CNTNAP5: variants seen among roughly 807,000 people sequenced by gnomAD.
The protein encoded by CNTNAP5 is contactin associated protein family member 5, also known as contactin-associated protein-like 5.
Under a neutral mutation model 150.2 loss-of-function variants are expected in CNTNAP5, and 72 were observed. The observed-to-expected ratio is 0.48, with a 90% CI of 0.40 to 0.58. The LOEUF is 0.58. Among genes scored for constraint, CNTNAP5 ranks in the 20% least tolerant of loss-of-function variants. The probability of loss-of-function intolerance (pLI) is 0.00; values close to 1 mark genes in which losing one functional copy is unlikely to be tolerated. For synonymous variants in CNTNAP5, 672 were observed against 619.8 expected, an observed-to-expected ratio of 1.08 and a Z score of -1.25; for missense variants, 1,636 against 1,626.2, an observed-to-expected ratio of 1.01 and a Z score of -0.10.
At chr2:124,156,545 G>C (rs554634285) in intron 1 of CNTNAP5, among the ~76,000 whole-genome samples, 1 of 152,150 alleles carries the variant, frequency 6.6e-6, no homozygotes, top group African/African-American at 2.4e-5. Context: ...GCCCAGGCTG[G>C]ATTGCAATGC....
intron 11 of CNTNAP5, among the ~76,000 whole-genome samples, chr2:124,565,702 C>T (rs1370788611): frequency 2.7e-5 from 4 of 149,612 alleles, no homozygotes; most frequent in Admixed American, 6.7e-5. Context: ...CAGGTTCACG[C>T]CATTCTCCTG....
intron 11 of CNTNAP5, among the ~76,000 whole-genome samples, chr2:124,569,514 T>A (rs1325651800): frequency 1.3e-5 from 2 of 152,238 alleles, no homozygotes; most frequent in Non-Finnish European, 2.9e-5. Flanking sequence ...TACATCTGAT[T>A]CATTAAACTG....
chr2:124,627,264 G>C (rs113493434), intron 12 of CNTNAP5, among the ~76,000 whole-genome samples: 1,567 of 152,262 alleles, frequency 0.01, 27 homozygotes, highest in African/African-American at 0.036. Flanking sequence ...CCCTGACCCT[G>C]TGCCTCCTGA....
chr2:124,457,073 A>G (rs1443657377), intron 6 of CNTNAP5, among the ~76,000 whole-genome samples: 1 of 152,240 alleles, frequency 6.6e-6, no homozygotes, highest in African/African-American at 2.4e-5. Flanking sequence ...CTGGAACTTA[A>G]TTAAACTAAA....
At chr2:124,592,132 C>T (rs868417086) in intron 11 of CNTNAP5, among the ~76,000 whole-genome samples, 6 of 152,044 alleles carry the variant, frequency 3.9e-5, no homozygotes, top group Middle Eastern at 6.8e-3. Flanking sequence ...TGATGAACAC[C>T]GAGGATGATT....
At chr2:124,187,412 A>T (rs555500184) in intron 1 of CNTNAP5, among the ~76,000 whole-genome samples, 12 of 152,338 alleles carry the variant, frequency 7.9e-5, no homozygotes, top group Non-Finnish European at 1.6e-4. Flanking sequence ...AGCATAAATC[A>T]GTGCTTTCCT....
intron 1 of CNTNAP5, among the ~76,000 whole-genome samples, chr2:124,040,504 A>G (rs1013547958): frequency 2.0e-5 from 3 of 152,030 alleles, no homozygotes; most frequent in Admixed American, 1.3e-4. Flanking sequence ...ATAACCTTAC[A>G]GTATGCCATG....
chr2:124,703,575 A>G (rs913012279), intron 13 of CNTNAP5, among the ~76,000 whole-genome samples: 2 of 152,200 alleles, frequency 1.3e-5, no homozygotes, highest in African/African-American at 4.8e-5. Context: ...GTCAACCCTT[A>G]GCACATCGCA....
At chr2:124,867,713 A>G (rs1573674283) in intron 20 of CNTNAP5, among the ~76,000 whole-genome samples, 1 of 152,040 alleles carries the variant, frequency 6.6e-6, no homozygotes, top group South Asian at 2.1e-4. Context: ...ATCTACACTC[A>G]CTCCATACTC....
At chr2:124,387,842 C>A (rs1483919549) in intron 3 of CNTNAP5, among the ~76,000 whole-genome samples, 1 of 152,156 alleles carries the variant, frequency 6.6e-6, no homozygotes, top group Non-Finnish European at 1.5e-5. Flanking sequence ...AGAATGAGGA[C>A]CAATTTCAAG....
intron 1 of CNTNAP5, among the ~76,000 whole-genome samples, chr2:124,121,287 A>G (rs1371387681): frequency 6.6e-6 from 1 of 152,138 alleles, no homozygotes; most frequent in Non-Finnish European, 1.5e-5. Context: ...GTACAGACTG[A>G]CCCTTTAAAT....
chr2:124,870,073 G>C (rs1047472700), intron 21 of CNTNAP5, among the ~76,000 whole-genome samples: 1 of 151,336 alleles, frequency 6.6e-6, no homozygotes, highest in Non-Finnish European at 1.5e-5. Context: ...AAATGTATGA[G>C]TGCATACATT....
intron 8 of CNTNAP5, among the ~76,000 whole-genome samples, chr2:124,509,576 G>A (rs929362489): frequency 2.0e-5 from 3 of 152,150 alleles, no homozygotes; most frequent in African/African-American, 7.2e-5. Context: ...TACATAGAAA[G>A]AAACTGAGAA....
At chr2:124,066,951 G>C (rs563852419) in intron 1 of CNTNAP5, among the ~76,000 whole-genome samples, 9 of 152,248 alleles carry the variant, frequency 5.9e-5, no homozygotes, top group African/African-American at 2.2e-4. Flanking sequence ...TTGTAATCAA[G>C]TGCAGGAATT....
At chr2:124,627,941 A>C (rs963775932) in intron 12 of CNTNAP5, among the ~76,000 whole-genome samples, 4 of 152,184 alleles carry the variant, frequency 2.6e-5, no homozygotes, top group Non-Finnish European at 5.9e-5. Context: ...CAATAGCCGA[A>C]CTGACCAAGT....
At chr2:124,651,260 G>A (rs1270789908) in intron 13 of CNTNAP5, among the ~76,000 whole-genome samples, 1 of 152,188 alleles carries the variant, frequency 6.6e-6, no homozygotes, top group Non-Finnish European at 1.5e-5. Flanking sequence ...TATAAATTAT[G>A]GCTGCAGGTG....
chr2:124,865,430 C>T lies in CNTNAP5; in HGVS notation c.3342C>T (p.Thr1114=), dbSNP rs1177232066. The part of the protein sequence containing the change: ...LKINREGREL[T]IQMDQQLRLS... ...TTAACCGAGAGGGAAGAGAGCTTAC[C>T]ATTCAGGTACCTTCCTTACTTTCTC... The change falls in exon 20 of 24, where the codon ACC becomes ACT. Residue 1114 remains threonine, a synonymous_variant. Transcript: ENST00000682447. 4 of 1,551,236 alleles carry T rather than the reference C, an allele frequency of 2.6e-6. No individual in the cohort carries two copies. In the Admixed American group the frequency reaches 7.9e-5, roughly 30 times the overall value.
At chr2:124,620,537 A>T (rs1001537721) in intron 12 of CNTNAP5, among the ~76,000 whole-genome samples, 32 of 152,110 alleles carry the variant, frequency 2.1e-4, no homozygotes, top group Non-Finnish European at 5.9e-5. Context: ...ACTGGAGTTT[A>T]AATTCTAGCA....
At chr2:124,382,766 A>G (rs1690828838) in intron 3 of CNTNAP5, among the ~76,000 whole-genome samples, 1 of 152,186 alleles carries the variant, frequency 6.6e-6, no homozygotes, top group African/African-American at 2.4e-5. Context: ...ATTCTTATCC[A>G]CAAATCCTAG....
Sources: gnomAD v4.1 joint callset for allele counts (sites outside exome capture counted in the v4.1 genomes callset) on GRCh38, gnomAD v4.1.1 for gene constraint, MANE v1.5 for transcripts, NCBI Gene and HGNC (gene_info 2026-07-23, HGNC 2026-07-21) for gene names.